The following RGPD8 variants were observed in gnomAD, a reference collection of about 807,000 sequenced individuals.
RGPD8 encodes RANBP2 like and GRIP domain containing 8, also known as RANBP2-like and GRIP domain-containing protein 8.
Under a neutral mutation model 89.1 loss-of-function variants are expected in RGPD8, and 15 were observed. The observed-to-expected ratio is 0.17, with a 90% CI of 0.11 to 0.26. RGPD8 has a LOEUF of 0.26. Ranked by LOEUF, RGPD8 falls within the 10% of genes least tolerant of loss-of-function variation. The probability of loss-of-function intolerance (pLI) is 1.00; values close to 1 mark genes in which losing one functional copy is unlikely to be tolerated. For missense variants in RGPD8, 178 were observed against 1,179.6 expected, an observed-to-expected ratio of 0.15 and a Z score of 12.44; for synonymous variants, 62 against 420.9, an observed-to-expected ratio of 0.15 and a Z score of 10.44.
At position 112,433,621 on chromosome 2, in the gene RGPD8, C is replaced by T; in HGVS notation, c.-168G>A. On this transcript the variant is annotated 5_prime_UTR_variant, in exon 1 of 23. Coordinates refer to ENST00000302558, the MANE Select transcript of RGPD8 (RefSeq NM_001164463.1). ...GCCCACGGAGGCCCACTGTGACGAA[C>T]CTGCGTTCTGCCTCAGCACTGTGTA... 2 of 776,422 alleles carry T rather than the reference C, an allele frequency of 2.6e-6. No individual in the cohort carries two copies. The highest frequency in any genetic ancestry group is 3.6e-5 in the South Asian group (2 of 54,852). The allele number at this position is 776,422 out of a possible 1,614,324, so 48.1% of individuals were successfully genotyped here. A position where few individuals can be genotyped will look rare whatever the true frequency, so the allele number is the denominator to read the frequency against.
At chr2:112,433,222 C>CGCCGG (rs1280885763) in intron 1 of RGPD8, among the ~76,000 whole-genome samples, 160 bp downstream of exon 1, 1 of 142,548 alleles carries the variant, frequency 7.0e-6, no homozygotes, top group East Asian at 2.0e-4. Context: ...TCGAGGCCGC[C>CGCCGG]GCCGGGCCGG....
chr2:112,390,154 T>G lies in RGPD8; in HGVS notation c.2791A>C (p.Asn931His). Residue 931 changes from asparagine (N) to histidine (H), a missense_variant, in exon 20 of 23, where the codon AAT (asparagine) becomes CAT (histidine). Transcript: ENST00000302558. ...GFKFGISEPG[N>H]QEKKREKPLE... Reference sequence around the variant, plus strand: ...GGCTTTTCCCTTTTCTTTTCTTGATTTCCTGGTTCCGAAATGCCAAATTTA... The same window carrying G: ...GGCTTTTCCCTTTTCTTTTCTTGATGTCCTGGTTCCGAAATGCCAAATTTA... 1 of 1,601,518 alleles carries G rather than the reference T, an allele frequency of 6.2e-7. No homozygotes were observed. Among genetic ancestry groups the G allele is most frequent in the Non-Finnish European group, 8.5e-7 (1 of 1,175,166 alleles).
At position 112,389,975 on chromosome 2, in the gene RGPD8, G is replaced by C. The variant is rs768346966; in HGVS notation, c.2970C>G (p.Leu990=). The change falls in exon 20 of 23, where the codon CTC becomes CTG. Residue 990 remains leucine, a synonymous_variant. Transcript: ENST00000302558. ...GEGFQFGKKD[L]NFKGFSGAGE... is the part of the protein sequence containing the mutation. ...CAGCACCTGAAAATCCCTTGAAATT[G>C]AGGTCTTTTTTGCCAAACTGAAATC... 7 of 1,552,556 alleles carry C rather than the reference G, an allele frequency of 4.5e-6. No homozygotes were observed. The highest frequency in any genetic ancestry group is 5.2e-6 in the Non-Finnish European group (6 of 1,148,290).
intron 1 of RGPD8, among the ~76,000 whole-genome samples, chr2:112,425,290 A>G (rs923854548): frequency 2.0e-5 from 3 of 147,932 alleles, no homozygotes; most frequent in Non-Finnish European, 3.0e-5. Flanking sequence ...ATAAGTACTT[A>G]GGATCTATTA....
chr2:112,374,789 C>T lies in RGPD8; in HGVS notation c.5263+3264G>A, dbSNP rs377153612. Among the ~76,000 whole-genome samples, 7 of 141,940 alleles carry T rather than the reference C, an allele frequency of 4.9e-5. No individual in the cohort carries two copies. In the East Asian group the frequency reaches 1.3e-3, roughly 27 times the overall value. 93.1% of individuals were successfully genotyped at this position (141,940 alleles called of 152,430 possible). A position where few individuals can be genotyped will look rare whatever the true frequency, so the allele number is the denominator to read the frequency against. On this transcript the variant is annotated intron_variant, in intron 22 of 22. Transcript: ENST00000302558. Reference sequence around the variant, plus strand: ...AAAACATGTTTGATGTCTTTTCCCACTCTTGTTTTTTGTTTCTCCCATGCT... The same window carrying T: ...AAAACATGTTTGATGTCTTTTCCCATTCTTGTTTTTTGTTTCTCCCATGCT...
rs369818204 is a variant in RGPD8 at position 112,380,650 on chromosome 2, C to CAAAAAA, written c.5061+168_5061+173dup. On this transcript the variant is annotated intron_variant, in intron 21 of 22. Transcript: ENST00000302558. ...CCTGGGTGACAGAGCAAGACTGTCT[C>CAAAAAA]AAAAAAAAAAAAAAAAAAAAAGGCA... Among the ~76,000 whole-genome samples the CAAAAAA allele has an allele frequency of 4.8e-4, 53 of 109,330 alleles. 2 individuals carry two copies. Among genetic ancestry groups the CAAAAAA allele is most frequent in the South Asian group, 2.0e-3 (6 of 2,966 alleles). 71.7% of individuals were successfully genotyped at this position (109,330 alleles called of 152,430 possible). A position where few individuals can be genotyped will look rare whatever the true frequency, so the allele number is the denominator to read the frequency against.
intron 20 of RGPD8, among the ~76,000 whole-genome samples, chr2:112,381,959 G>T (rs1460900302): frequency 2.0e-5 from 3 of 152,308 alleles, no homozygotes; most frequent in African/African-American, 4.8e-5. Context: ...GTCTGTGAGG[G>T]TGTTGCCAAA....
At position 112,424,736 on chromosome 2, in the gene RGPD8, ACATCAT is replaced by A. The variant is rs578192808; in HGVS notation, c.73-435_73-430del. Among the ~76,000 whole-genome samples, 284 of 123,242 alleles carry A rather than the reference ACATCAT, an allele frequency of 2.3e-3. 1 individual carries two copies. The East Asian group carries it at 0.026, about 11-fold the overall frequency. The allele number at this position is 123,242 out of a possible 152,430, so 80.9% of individuals were successfully genotyped here. ...GGGCGACAGAGACTCCATCTCCCAA[ACATCAT>A]CATCATCATCATCATCATCATCATC... is the stretch of plus-strand genomic sequence containing the variant. On this transcript the variant is annotated intron_variant, in intron 1 of 22. Transcript: ENST00000302558.
intron 20 of RGPD8, chr2:112,387,244 TTACA>T (rs1272342054): frequency 4.1e-5 from 2 of 48,996 alleles, no homozygotes; most frequent in Non-Finnish European, 7.9e-5. Context: ...TCTGACTGTC[TTACA>T]TATTCATTTA....
chr2:112,416,122 A>G (rs1679402267), intron 6 of RGPD8, among the ~76,000 whole-genome samples: 2 of 150,044 alleles, frequency 1.3e-5, no homozygotes, highest in African/African-American at 2.4e-5. Context: ...GAAAGAAAGA[A>G]AAAAAGGAAC....
At chr2:112,429,415 C>CAAAA (rs71412832) in intron 1 of RGPD8, among the ~76,000 whole-genome samples, 13 of 45,682 alleles carry the variant, frequency 2.8e-4, no homozygotes, top group Non-Finnish European at 3.9e-4. Flanking sequence ...GACTCCGTCT[C>CAAAA]AAAAAAAAAA....
At chr2:112,410,911 CCT>C (rs1446333624) in intron 7 of RGPD8, among the ~76,000 whole-genome samples, 8 of 152,288 alleles carry the variant, frequency 5.3e-5, no homozygotes, top group African/African-American at 9.6e-5. Context: ...CATGGAGAAA[CCT>C]CGTCTCTACT....
At chr2:112,420,158 A>C (rs564604930) in intron 4 of RGPD8, among the ~76,000 whole-genome samples, 4 of 129,226 alleles carry the variant, frequency 3.1e-5, no homozygotes, top group African/African-American at 1.2e-4. Flanking sequence ...CAACAGAGCA[A>C]GACTCTGTCT....
At chr2:112,432,915 C>T (rs535509073) in intron 1 of RGPD8, among the ~76,000 whole-genome samples, 8 of 143,392 alleles carry the variant, frequency 5.6e-5, no homozygotes, top group Middle Eastern at 7.6e-3. Context: ...CAGGGAGCAG[C>T]GCCCTCGGGA....
rs544304555 is a variant in RGPD8 at position 112,425,317 on chromosome 2, C to T, written c.73-1010G>A. Among the ~76,000 whole-genome samples, 114 of 148,812 alleles carry T rather than the reference C, an allele frequency of 7.7e-4. 3 individuals are homozygous for T. In the South Asian group the frequency reaches 0.024, roughly 31 times the overall value. On this transcript the variant is annotated intron_variant, in intron 1 of 22. Transcript: ENST00000302558. ...GATCTATTAAGGCACTGAGGATTCC[C>T]GGGTCCATGTACTGTTCTCTCTACA...
intron 22 of RGPD8, among the ~76,000 whole-genome samples, chr2:112,371,220 C>G (rs1257643453): frequency 3.7e-5 from 4 of 108,174 alleles, no homozygotes; most frequent in African/African-American, 1.1e-4. Flanking sequence ...AAAACCTGCC[C>G]TTTTCAGCAT....
chr2:112,433,294 CT>C, intron 1 of RGPD8, 87 bp downstream of exon 1: 1 of 1,444,740 alleles, frequency 6.9e-7, no homozygotes, highest in Admixed American at 2.4e-5. Flanking sequence ...GCCATGACCC[CT>C]GACCCATCGA....
At chr2:112,380,650 CAAAA>C (rs369818204) in intron 21 of RGPD8, among the ~76,000 whole-genome samples, 170 bp downstream of exon 21, 5 of 109,408 alleles carry the variant, frequency 4.6e-5, no homozygotes, top group Non-Finnish European at 7.4e-5. Flanking sequence ...AAGACTGTCT[CAAAA>C]AAAAAAAAAA....
At chr2:112,415,919 GTCTCTAC>G (rs1401343469) in intron 6 of RGPD8, among the ~76,000 whole-genome samples, 22 of 151,756 alleles carry the variant, frequency 1.4e-4, no homozygotes, top group African/African-American at 5.1e-4. Flanking sequence ...CCTGAACCCC[GTCTCTAC>G]TAAAAATACA....
Sources: allele counts gnomAD v4.1 joint callset (sites outside exome capture counted in the v4.1 genomes callset), GRCh38; gene constraint gnomAD v4.1.1; transcripts MANE v1.5; gene names NCBI Gene and HGNC (gene_info 2026-07-23, HGNC 2026-07-21).